PLD5: variants seen among roughly 807,000 people sequenced by gnomAD.
The protein encoded by PLD5 is inactive phospholipase D5.
PLD5 carries 36 observed loss-of-function variants against 61.1 expected under a neutral mutation model. The ratio of observed to expected loss-of-function variants is 0.59; its 90% CI spans 0.45 to 0.78. PLD5 has a LOEUF of 0.78. Ranked by LOEUF, PLD5 falls within the 30% of genes least tolerant of loss-of-function variation. The pLI, the probability that PLD5 is intolerant of heterozygous loss-of-function variation, is 0.00. For missense variants in PLD5, 515 were observed against 644.4 expected (o/e 0.80, Z 2.17); for synonymous variants, 243 against 242.8 (o/e 1.00, Z -0.01).
intron 2 of PLD5, among the ~76,000 whole-genome samples, chr1:242,297,402 ACTTTTTTTTTTT>A (rs1336153741): frequency 7.7e-6 from 1 of 129,520 alleles, no homozygotes; most frequent in Non-Finnish European, 1.5e-5. Flanking sequence ...ACCCTTCAAG[ACTTTTTTTTTTT>A]TTTTTTTTTT....
intron 5 of PLD5, among the ~76,000 whole-genome samples, chr1:242,161,611 A>G (rs1040851545): frequency 6.6e-6 from 1 of 152,198 alleles, no homozygotes; most frequent in East Asian, 1.9e-4. Flanking sequence ...TGAGTTGGAT[A>G]TGTGAAGTGA....
intron 4 of PLD5, among the ~76,000 whole-genome samples, chr1:242,238,391 T>C (rs943662764): frequency 6.6e-5 from 10 of 152,116 alleles, no homozygotes; most frequent in African/African-American, 1.9e-4. Flanking sequence ...AGCTGCCCTA[T>C]TGTTGGCTGC....
At chr1:242,445,779 A>G (rs1221112881) in intron 1 of PLD5, among the ~76,000 whole-genome samples, 1 of 127,538 alleles carries the variant, frequency 7.8e-6, no homozygotes, top group Non-Finnish European at 1.6e-5. Flanking sequence ...TTTTTTTTTC[A>G]AGCTGCTTGC....
intron 4 of PLD5, among the ~76,000 whole-genome samples, chr1:242,232,301 C>T (rs1255372598): frequency 6.6e-6 from 1 of 151,996 alleles, no homozygotes; most frequent in Admixed American, 6.6e-5. Flanking sequence ...TAACAGAAAA[C>T]TGGAAAATAG....
chr1:242,396,018 A>T (rs1386016452), intron 1 of PLD5, among the ~76,000 whole-genome samples: 5 of 152,178 alleles, frequency 3.3e-5, no homozygotes, highest in Admixed American at 6.5e-5. Flanking sequence ...ATTGCACTCC[A>T]GCCTGGGTAA....
At chr1:242,303,037 C>T (rs370866243) in intron 2 of PLD5, among the ~76,000 whole-genome samples, 24 of 152,182 alleles carry the variant, frequency 1.6e-4, no homozygotes, top group Admixed American at 1.4e-3. Flanking sequence ...ATGAACTCAG[C>T]GCCTTAGACC....
At chr1:242,521,323 A>G (rs1233891274) in intron 1 of PLD5, among the ~76,000 whole-genome samples, 2 of 152,202 alleles carry the variant, frequency 1.3e-5, no homozygotes, top group African/African-American at 2.4e-5. Flanking sequence ...AGCAGCCTTT[A>G]AATCAGAAAA....
At chr1:242,370,996 A>G (rs917652500) in intron 1 of PLD5, among the ~76,000 whole-genome samples, 2 of 152,052 alleles carry the variant, frequency 1.3e-5, no homozygotes, top group African/African-American at 4.8e-5. Flanking sequence ...TCTTTTTCTA[A>G]ATTACCTGTT....
intron 1 of PLD5, among the ~76,000 whole-genome samples, chr1:242,376,431 C>T (rs1661961346): frequency 1.3e-5 from 2 of 152,130 alleles, no homozygotes; most frequent in Admixed American, 1.3e-4. Flanking sequence ...TTAAAAGTTC[C>T]TAGTGTTTTT....
Position 242,089,799 on chromosome 1 carries a change from G to T in PLD5, c.*55C>A, listed in dbSNP as rs925973216. On this transcript the variant is annotated 3_prime_UTR_variant, in exon 10 of 10. Coordinates refer to ENST00000536534, the MANE Select transcript of PLD5 (RefSeq NM_001372062.1). ...ATTAAAGTGTTTTTTCTCTCCTCAA[G>T]TCCTTTATGTATAAATATGAAATAC... The T allele has an allele frequency of 1.9e-6, 3 of 1,599,222 alleles. No individual in the cohort carries two copies. Among genetic ancestry groups the T allele is most frequent in the Middle Eastern group, 1.7e-4 (1 of 6,020 alleles).
At chr1:242,094,786 T>C (rs1291422794) in intron 9 of PLD5, among the ~76,000 whole-genome samples, 3 of 152,106 alleles carry the variant, frequency 2.0e-5, no homozygotes, top group African/African-American at 7.2e-5. Context: ...ATAGCACCAC[T>C]GAAGGGTGGG....
intron 2 of PLD5, among the ~76,000 whole-genome samples, chr1:242,346,973 A>G (rs534600966): frequency 1.3e-5 from 2 of 152,338 alleles, no homozygotes; most frequent in Admixed American, 1.3e-4. Context: ...ATGTCCCTGC[A>G]AAGGACGTGA....
At chr1:242,248,882 T>C (rs1238612777) in intron 4 of PLD5, among the ~76,000 whole-genome samples, 6 of 152,126 alleles carry the variant, frequency 3.9e-5, no homozygotes, top group Non-Finnish European at 8.8e-5. Flanking sequence ...GCTTGGTGGG[T>C]CATGACTGTA....
chr1:242,093,992 C>G (rs1423307080), intron 9 of PLD5, among the ~76,000 whole-genome samples: 1 of 151,718 alleles, frequency 6.6e-6, no homozygotes, highest in Non-Finnish European at 1.5e-5. Flanking sequence ...AAGCTTTCCA[C>G]AGGCCGATAA....
At chr1:242,399,440 A>AT (rs1249301195) in intron 1 of PLD5, among the ~76,000 whole-genome samples, 2 of 152,244 alleles carry the variant, frequency 1.3e-5, no homozygotes, top group Non-Finnish European at 2.9e-5. Flanking sequence ...ACAAAAGCAC[A>AT]TGACATAATG....
intron 5 of PLD5, among the ~76,000 whole-genome samples, chr1:242,154,894 T>C (rs1296735920): frequency 6.6e-6 from 1 of 152,204 alleles, no homozygotes; most frequent in Admixed American, 6.5e-5. Flanking sequence ...CTTTTTCTAC[T>C]GTTTGGAATA....
At chr1:242,330,125 G>T (rs1659081382) in intron 2 of PLD5, among the ~76,000 whole-genome samples, 1 of 151,968 alleles carries the variant, frequency 6.6e-6, no homozygotes, top group Non-Finnish European at 1.5e-5. Context: ...GCACCCAGGG[G>T]ATTCTCCAAC....
At chr1:242,352,479 C>T (rs923042415) in intron 1 of PLD5, among the ~76,000 whole-genome samples, 1 of 152,206 alleles carries the variant, frequency 6.6e-6, no homozygotes, top group East Asian at 1.9e-4. Context: ...AATCCCACAG[C>T]TTGGCTATTA....
At chr1:242,335,415 C>A (rs1226905732) in intron 2 of PLD5, among the ~76,000 whole-genome samples, 1 of 152,180 alleles carries the variant, frequency 6.6e-6, no homozygotes, top group Non-Finnish European at 1.5e-5. Flanking sequence ...CCACAGTCCA[C>A]ACCATTTGGA....
Sources: gnomAD v4.1 joint callset for allele counts (sites outside exome capture counted in the v4.1 genomes callset) on GRCh38, gnomAD v4.1.1 for gene constraint, MANE v1.5 for transcripts, NCBI Gene and HGNC (gene_info 2026-07-23, HGNC 2026-07-21) for gene names.